The following LNP1 variants were observed in gnomAD, a reference collection of about 807,000 sequenced individuals.
LNP1 encodes the protein leukemia NUP98 fusion partner 1.
In LNP1, 12 loss-of-function variants were observed where a neutral mutation model predicts 14.5. That is an observed-to-expected ratio of 0.83 (90% confidence interval 0.53 to 1.34). The LOEUF is 1.34. Among genes scored for constraint, LNP1 ranks in the 40% most tolerant of loss-of-function variants. LNP1 has a pLI of 0.00. For synonymous variants in LNP1, 75 were observed against 71.4 expected (o/e 1.05, Z -0.26); for missense variants, 198 against 210.9 (o/e 0.94, Z 0.38).
intron 2 of LNP1, among the ~76,000 whole-genome samples, chr3:100,435,749 A>G (rs1256698279): frequency 6.6e-6 from 1 of 152,150 alleles, no homozygotes; most frequent in Non-Finnish European, 1.5e-5. Flanking sequence ...AATATTCGTG[A>G]AGGTGGTTCT....
chr3:100,419,347 AG>A (rs2148901096), intron 1 of LNP1, among the ~76,000 whole-genome samples: 1 of 152,314 alleles, frequency 6.6e-6, no homozygotes, highest in African/African-American at 2.4e-5. Context: ...GTTGCAAATA[AG>A]TGTACACAGA....
chr3:100,417,952 AC>A (rs199631712), intron 1 of LNP1, among the ~76,000 whole-genome samples: 1,721 of 151,728 alleles, frequency 0.011, 29 homozygotes, highest in African/African-American at 0.04. Flanking sequence ...TTCTAGCTTA[AC>A]CTTTTCTGAC....
At chr3:100,419,973 C>T (rs921922314) in intron 1 of LNP1, among the ~76,000 whole-genome samples, 1 of 152,036 alleles carries the variant, frequency 6.6e-6, no homozygotes, top group Admixed American at 6.5e-5. Flanking sequence ...GTGGCTGTAC[C>T]TTTTTTTATT....
intron 1 of LNP1, among the ~76,000 whole-genome samples, chr3:100,407,804 C>G (rs1428684810): frequency 6.6e-6 from 1 of 152,130 alleles, no homozygotes; most frequent in Non-Finnish European, 1.5e-5. Context: ...CCTTTCTTCT[C>G]CTCTGTATAT....
chr3:100,427,943 C>G (rs1707209805), intron 1 of LNP1, among the ~76,000 whole-genome samples: 1 of 152,228 alleles, frequency 6.6e-6, no homozygotes, highest in East Asian at 1.9e-4. Flanking sequence ...ATGCCATGCT[C>G]TGTAAACATT....
chr3:100,413,521 T>A (rs1464137199), intron 1 of LNP1, among the ~76,000 whole-genome samples: 11 of 152,264 alleles, frequency 7.2e-5, no homozygotes, highest in Non-Finnish European at 1.6e-4. Flanking sequence ...CCCACCTTTC[T>A]TCCCACTCAC....
intron 2 of LNP1, among the ~76,000 whole-genome samples, chr3:100,436,465 T>A (rs1707295816): frequency 6.6e-6 from 1 of 152,110 alleles, no homozygotes; most frequent in South Asian, 2.1e-4. Context: ...CCTAATAAGA[T>A]GCTTTCCCTC....
chr3:100,415,419 T>C (rs1707073224), intron 1 of LNP1, among the ~76,000 whole-genome samples: 1 of 152,132 alleles, frequency 6.6e-6, no homozygotes, highest in Non-Finnish European at 1.5e-5. Flanking sequence ...GGAATACAAA[T>C]TAAAACAACA....
chr3:100,447,321 TC>T (rs781192289), intron 2 of LNP1, among the ~76,000 whole-genome samples: 81 of 152,158 alleles, frequency 5.3e-4, no homozygotes, highest in Non-Finnish European at 8.7e-4. Flanking sequence ...AAGTTGGAAA[TC>T]ATCATTCTCA....
chr3:100,424,321 A>G (rs952303188), intron 1 of LNP1, among the ~76,000 whole-genome samples: 3 of 152,220 alleles, frequency 2.0e-5, no homozygotes, highest in African/African-American at 7.2e-5. Context: ...ATATAGTTGT[A>G]CTCATGGCTA....
At chr3:100,417,921 G>A (rs910945690) in intron 1 of LNP1, among the ~76,000 whole-genome samples, 2 of 150,490 alleles carry the variant, frequency 1.3e-5, no homozygotes, top group African/African-American at 4.9e-5. Flanking sequence ...GACATTATTG[G>A]TTGCATTTTT....
intron 2 of LNP1, among the ~76,000 whole-genome samples, chr3:100,439,180 A>G (rs960298635): frequency 6.6e-6 from 1 of 152,126 alleles, no homozygotes; most frequent in African/African-American, 2.4e-5. Context: ...CATTTGTACA[A>G]ACATCCATTT....
chr3:100,410,147 A>T (rs151221748), intron 1 of LNP1, among the ~76,000 whole-genome samples: 79 of 152,268 alleles, frequency 5.2e-4, no homozygotes, highest in Non-Finnish European at 8.8e-4. Flanking sequence ...ACAGGCTGGA[A>T]GATTTTTGAG....
chr3:100,416,594 CTT>C (rs368866932), intron 1 of LNP1, among the ~76,000 whole-genome samples: 13,785 of 80,092 alleles, frequency 0.17, 884 homozygotes, highest in East Asian at 0.39. Flanking sequence ...TTGAGTATAT[CTT>C]TTTTGTGTGT....
chr3:100,454,213 C>T (rs187722878), intron 3 of LNP1, among the ~76,000 whole-genome samples: 45 of 152,170 alleles, frequency 3.0e-4, no homozygotes, highest in Non-Finnish European at 4.9e-4. Context: ...TATGTAATAA[C>T]TAGAAATCTG....
intron 1 of LNP1, among the ~76,000 whole-genome samples, chr3:100,416,881 C>T (rs1007310004): frequency 6.6e-6 from 1 of 151,974 alleles, no homozygotes. Flanking sequence ...TCTCCCTCCC[C>T]TTTCCCCTAA....
chr3:100,407,859 G>A (rs1204592819), intron 1 of LNP1, among the ~76,000 whole-genome samples: 1 of 151,472 alleles, frequency 6.6e-6, no homozygotes, highest in East Asian at 1.9e-4. Flanking sequence ...TTTTCTGATT[G>A]ATCAATCCTG....
chr3:100,452,029 G>A (rs764436463), intron 3 of LNP1, 80 bp downstream of exon 3: 3 of 818,340 alleles, frequency 3.7e-6, no homozygotes, highest in Non-Finnish European at 5.7e-6. Flanking sequence ...TGATTGAGGG[G>A]AACAAATGTA....
chr3:100,429,684 C>T lies in LNP1; in HGVS notation c.-33-13C>T. 6.4e-7 allele frequency: 1 copy of T among 1,557,648 alleles called. No homozygotes were observed. Among genetic ancestry groups the T allele is most frequent in the Non-Finnish European group, 8.8e-7 (1 of 1,137,972 alleles). ...CAGCCCTGTTGGGTGATATTTCCCT[C>T]TGTCGCATTTAGGGACAGGCCTTCA... is the stretch of plus-strand genomic sequence containing the variant. On this transcript the variant is annotated splice_polypyrimidine_tract_variant and intron_variant, in intron 1 of 3. Transcript: ENST00000383693.
Sources: gnomAD v4.1 joint callset for allele counts (sites outside exome capture counted in the v4.1 genomes callset) on GRCh38, gnomAD v4.1.1 for gene constraint, MANE v1.5 for transcripts, NCBI Gene and HGNC (gene_info 2026-07-23, HGNC 2026-07-21) for gene names.